LUZP2: variants seen among roughly 807,000 people sequenced by gnomAD.
LUZP2 encodes the protein leucine zipper protein 2.
A neutral mutation model predicts 51.6 loss-of-function variants in LUZP2; 52 were observed. The observed-to-expected ratio is 1.01, with a 90% CI of 0.81 to 1.27. The LOEUF is 1.27. LUZP2 is among the 50% of genes most tolerant of loss of function. The pLI, the probability that LUZP2 is intolerant of heterozygous loss-of-function variation, is 0.00. For missense variants in LUZP2, 436 were observed against 395.4 expected, an observed-to-expected ratio of 1.10 and a Z score of -0.87; for synonymous variants, 154 against 137.3, an observed-to-expected ratio of 1.12 and a Z score of -0.85.
At chr11:24,869,166 G>A (rs530982986) in intron 5 of LUZP2, among the ~76,000 whole-genome samples, 32 of 152,080 alleles carry the variant, frequency 2.1e-4, no homozygotes, top group Non-Finnish European at 4.4e-4. Flanking sequence ...TACCATCAAA[G>A]CAAGTGAGAG....
At chr11:24,704,413 T>A (rs936800680) in intron 1 of LUZP2, among the ~76,000 whole-genome samples, 49 of 151,582 alleles carry the variant, frequency 3.2e-4, no homozygotes, top group African/African-American at 1.1e-3. Context: ...TCCATGTGTA[T>A]CTGGACAAGG....
chr11:24,682,787 C>T (rs1435594671), intron 1 of LUZP2, among the ~76,000 whole-genome samples: 1 of 151,820 alleles, frequency 6.6e-6, no homozygotes, highest in East Asian at 2.0e-4. Context: ...AGGTGGATCA[C>T]GAGATCAAGA....
chr11:24,991,289 T>C (rs775301529), intron 9 of LUZP2, among the ~76,000 whole-genome samples: 1 of 151,668 alleles, frequency 6.6e-6, no homozygotes, highest in Non-Finnish European at 1.5e-5. Context: ...TTGCTGCGAA[T>C]GCCATTAATT....
At chr11:24,747,495 G>T (rs1383769153) in intron 4 of LUZP2, among the ~76,000 whole-genome samples, 1 of 152,092 alleles carries the variant, frequency 6.6e-6, no homozygotes, top group Non-Finnish European at 1.5e-5. Context: ...AGCTCTGGTG[G>T]TTTCATGTTC....
chr11:24,570,196 G>A (rs1467715484), intron 1 of LUZP2, among the ~76,000 whole-genome samples: 1 of 152,044 alleles, frequency 6.6e-6, no homozygotes, highest in Non-Finnish European at 1.5e-5. Context: ...TAGACGAGAA[G>A]ACGGTGATGG....
intron 10 of LUZP2, among the ~76,000 whole-genome samples, chr11:25,053,826 G>T (rs1310203448): frequency 6.6e-6 from 1 of 152,052 alleles, no homozygotes; most frequent in East Asian, 1.9e-4. Flanking sequence ...TAGAATTGCT[G>T]GGTTTGATGA....
intron 1 of LUZP2, among the ~76,000 whole-genome samples, chr11:24,628,057 T>A (rs537142661): frequency 6.6e-6 from 1 of 152,306 alleles, no homozygotes; most frequent in African/African-American, 2.4e-5. Context: ...TCATCCATGA[T>A]GAAGCAGTTA....
chr11:24,795,565 C>T (rs568216915), intron 5 of LUZP2, among the ~76,000 whole-genome samples: 3 of 151,966 alleles, frequency 2.0e-5, no homozygotes, highest in Non-Finnish European at 4.4e-5. Flanking sequence ...AAACAAAGGC[C>T]CTGAGAATTT....
At chr11:24,573,739 A>G (rs1232471554) in intron 1 of LUZP2, among the ~76,000 whole-genome samples, 1 of 151,018 alleles carries the variant, frequency 6.6e-6, no homozygotes, top group Non-Finnish European at 1.5e-5. Flanking sequence ...TTGCTTCCTT[A>G]TGAATATTCC....
At chr11:24,962,831 A>G (rs578208176) in intron 7 of LUZP2, among the ~76,000 whole-genome samples, 1 of 152,200 alleles carries the variant, frequency 6.6e-6, no homozygotes, top group African/African-American at 2.4e-5. Flanking sequence ...GGAGGAAGAG[A>G]GGTGCTCTGC....
At chr11:25,021,434 T>C (rs922900673) in intron 9 of LUZP2, among the ~76,000 whole-genome samples, 3 of 151,676 alleles carry the variant, frequency 2.0e-5, no homozygotes, top group African/African-American at 7.3e-5. Context: ...GTTGTGTGTG[T>C]GTGTGTGTGT....
At chr11:24,678,306 A>G (rs1276502624) in intron 1 of LUZP2, among the ~76,000 whole-genome samples, 6 of 152,152 alleles carry the variant, frequency 3.9e-5, no homozygotes, top group Non-Finnish European at 7.4e-5. Context: ...ATGCATATCT[A>G]ATTTACACCA....
At chr11:24,651,235 C>G (rs1358070701) in intron 1 of LUZP2, among the ~76,000 whole-genome samples, 1 of 152,072 alleles carries the variant, frequency 6.6e-6, no homozygotes, top group East Asian at 1.9e-4. Flanking sequence ...TATGTTCAAC[C>G]TGGCATCTTT....
intron 1 of LUZP2, among the ~76,000 whole-genome samples, chr11:24,699,669 A>T (rs540725982): frequency 6.9e-6 from 1 of 144,106 alleles, no homozygotes; most frequent in African/African-American, 2.5e-5. Context: ...ATATATATAC[A>T]CACACACATA....
chr11:24,599,948 G>C (rs189188889), intron 1 of LUZP2, among the ~76,000 whole-genome samples: 69 of 152,104 alleles, frequency 4.5e-4, no homozygotes, highest in Admixed American at 3.1e-3. Context: ...ACACATTTCA[G>C]TGCTCTTCTT....
intron 5 of LUZP2, among the ~76,000 whole-genome samples, chr11:24,840,315 C>T (rs1392180737): frequency 6.6e-6 from 1 of 151,834 alleles, no homozygotes; most frequent in African/African-American, 2.4e-5. Flanking sequence ...CAGAAATACA[C>T]TAGAAAGAGG....
intron 5 of LUZP2, among the ~76,000 whole-genome samples, chr11:24,812,943 GC>G (rs1190078968): frequency 6.6e-6 from 1 of 152,086 alleles, no homozygotes; most frequent in Non-Finnish European, 1.5e-5. Flanking sequence ...TTTCATTTTT[GC>G]CCTGGTTTGT....
chr11:24,535,951 C>T (rs1424639945), intron 1 of LUZP2, among the ~76,000 whole-genome samples: 2 of 151,366 alleles, frequency 1.3e-5, no homozygotes, highest in Non-Finnish European at 3.0e-5. Flanking sequence ...CTCCTTGATC[C>T]CTGGGCTATA....
intron 5 of LUZP2, among the ~76,000 whole-genome samples, chr11:24,880,532 T>C (rs941329106): frequency 9.9e-5 from 15 of 152,172 alleles, no homozygotes; most frequent in Admixed American, 6.5e-5. Context: ...TCTGTCCCTT[T>C]TCTAGAACTT....
Sources: allele counts gnomAD v4.1 joint callset (sites outside exome capture counted in the v4.1 genomes callset), GRCh38; gene constraint gnomAD v4.1.1; transcripts MANE v1.5; gene names NCBI Gene and HGNC (gene_info 2026-07-23, HGNC 2026-07-21).